Variants in DOCK11 observed in about 807,000 individuals in gnomAD.
DOCK11 encodes dedicator of cytokinesis protein 11.
DOCK11 carries 70 observed loss-of-function variants against 169.1 expected under a neutral mutation model. The observed-to-expected ratio is 0.41, with a 90% CI of 0.34 to 0.51. The LOEUF (loss-of-function observed/expected upper bound fraction) is 0.51, where lower values mean the gene tolerates loss of function less well. DOCK11 is among the 20% of genes least tolerant of loss of function. DOCK11 has a pLI of 0.10. For missense variants in DOCK11, 1,166 were observed against 1,538.8 expected, an observed-to-expected ratio of 0.76 and a Z score of 4.05; for synonymous variants, 529 against 541.3, an observed-to-expected ratio of 0.98 and a Z score of 0.32.
At chrX:118,662,395 G>A (rs943892924) in intron 44 of DOCK11, among the ~76,000 whole-genome samples, 1 of 112,142 alleles carries the variant, frequency 8.9e-6, no homozygotes, top group African/African-American at 3.2e-5. Context: ...AAATAAAAAT[G>A]TTTAGATTGC....
At chrX:118,647,765 TTATAATATATAATAATA>T (rs2015757941) in intron 40 of DOCK11, among the ~76,000 whole-genome samples, 2 of 35,517 alleles carry the variant, frequency 5.6e-5, no homozygotes, top group African/African-American at 1.7e-4. Context: ...ATATAATATA[TTATAATATATAATAATA>T]TATAATATAT....
chrX:118,679,013 A>G (rs2016678105), intron 48 of DOCK11, among the ~76,000 whole-genome samples: 1 of 110,688 alleles, frequency 9.0e-6, no homozygotes, highest in African/African-American at 3.3e-5. Context: ...GCTGGTCTCA[A>G]ACTCCTGGGT....
intron 20 of DOCK11, among the ~76,000 whole-genome samples, chrX:118,595,243 G>A (rs1368941655): frequency 9.0e-6 from 1 of 111,665 alleles, no homozygotes; most frequent in Non-Finnish European, 1.9e-5. Flanking sequence ...AGCAGCGGGG[G>A]CAGAGAGAAA....
intron 1 of DOCK11, among the ~76,000 whole-genome samples, chrX:118,508,616 C>T (rs1025517249): frequency 1.2e-4 from 13 of 110,997 alleles, no homozygotes; most frequent in African/African-American, 3.9e-4. Flanking sequence ...GGAACTGAAT[C>T]GTTATTTCAA....
At position 118,563,516 on chromosome X, in the gene DOCK11, C is replaced by T. The variant is rs760658042; in HGVS notation, c.693+1999C>T. On this transcript the variant is annotated intron_variant, in intron 7 of 52. Transcript: ENST00000276202. Reference sequence around the variant, plus strand: ...AAAACACTTTTTAAAAAGTATAAAGCTCTATGTGAATAAAATGTGCTTATA... The same window carrying T: ...AAAACACTTTTTAAAAAGTATAAAGTTCTATGTGAATAAAATGTGCTTATA... 2.3e-4 allele frequency among the ~76,000 whole-genome samples: 24 copies of T among 106,504 alleles called. 1 individual carries two copies. The highest frequency in any genetic ancestry group is 1.3e-4 in the Non-Finnish European group (7 of 52,568). The allele number at this position is 106,504 out of a possible 115,157, so 92.5% of individuals were successfully genotyped here.
rs1248356007 is a variant in DOCK11 at position 118,648,171 on chromosome X, AT to A, written c.4399-773del. On this transcript the variant is annotated intron_variant, in intron 40 of 52. Coordinates refer to ENST00000276202, the MANE Select transcript of DOCK11 (RefSeq NM_144658.4). ...TTAATATATAATAATATAATATATA[AT>A]ATAATAGTAATATATAATAATATAA... Among the ~76,000 whole-genome samples, 278 of 69,599 alleles carry A rather than the reference AT, an allele frequency of 4.0e-3. 1 individual carries two copies. Among genetic ancestry groups the A allele is most frequent in the African/African-American group, 0.018 (264 of 14,845 alleles). The allele number at this position is 69,599 out of a possible 115,157, so 60.4% of individuals were successfully genotyped here. A position where few individuals can be genotyped will look rare whatever the true frequency, so the allele number is the denominator to read the frequency against.
intron 1 of DOCK11, among the ~76,000 whole-genome samples, chrX:118,516,374 C>T (rs932994405): frequency 5.6e-4 from 59 of 105,009 alleles, no homozygotes; most frequent in Non-Finnish European, 1.1e-3. Flanking sequence ...GGATTACAGG[C>T]GTGAGCCACT....
At chrX:118,598,878 T>A (rs1298781482) in intron 22 of DOCK11, among the ~76,000 whole-genome samples, 1 of 112,203 alleles carries the variant, frequency 8.9e-6, no homozygotes, top group Non-Finnish European at 1.9e-5. Flanking sequence ...GCAGCCCAAC[T>A]TCATAGAACA....
At chrX:118,641,023 T>C (rs1379150539) in intron 38 of DOCK11, among the ~76,000 whole-genome samples, 167 bp from the exon 39 acceptor site, 1 of 111,349 alleles carries the variant, frequency 9.0e-6, no homozygotes. Flanking sequence ...TGAACTGACC[T>C]CATGATCTGT....
intron 1 of DOCK11, among the ~76,000 whole-genome samples, chrX:118,536,311 A>T (rs1225813638): frequency 9.1e-6 from 1 of 110,496 alleles, no homozygotes; most frequent in African/African-American, 3.3e-5. Flanking sequence ...AAAAAAAAAA[A>T]TCCTTACAGT....
At position 118,572,606 on chromosome X, in the gene DOCK11, A is replaced by C. The variant is rs866946685; in HGVS notation, c.1176+143A>C. The C allele has an allele frequency of 6.2e-5, 26 of 421,115 alleles. No individual in the cohort carries two copies. The Middle Eastern group carries it at 2.3e-3, about 36-fold the overall frequency. The allele number at this position is 421,115 out of a possible 1,213,427, so 34.7% of individuals were successfully genotyped here. ...CACATGTACTCCTGAACCTAAAATGAAAGTTTTATATATATAAAAAAGAAA... is the reference window on the plus strand; with the variant it reads ...CACATGTACTCCTGAACCTAAAATGCAAGTTTTATATATATAAAAAAGAAA... On this transcript the variant is annotated intron_variant, in intron 11 of 52. Coordinates refer to ENST00000276202, the MANE Select transcript of DOCK11 (RefSeq NM_144658.4).
At chrX:118,552,100 TGAGA>T (rs2012518868) in intron 6 of DOCK11, among the ~76,000 whole-genome samples, 1 of 106,031 alleles carries the variant, frequency 9.4e-6, no homozygotes. Context: ...AATCACATCG[TGAGA>T]GAAAGTGCAA....
intron 1 of DOCK11, among the ~76,000 whole-genome samples, chrX:118,530,438 C>T (rs1162696871): frequency 8.9e-6 from 1 of 112,229 alleles, no homozygotes; most frequent in Non-Finnish European, 1.9e-5. Context: ...CCACTTCTGG[C>T]TCCCCATCAC....
At position 118,590,433 on chromosome X, in the gene DOCK11, C is replaced by T. The variant is rs1442696202; in HGVS notation, c.2139+131C>T. On this transcript the variant is annotated intron_variant, in intron 19 of 52. Coordinates refer to ENST00000276202, the MANE Select transcript of DOCK11 (RefSeq NM_144658.4). ...TGTTCCATGAAAACAGAAAATATTA[C>T]AACAAAACAGAGTGTTACTGGCCTG... 5.4e-6 allele frequency: 3 copies of T among 550,534 alleles called. No homozygotes were observed. The Admixed American group carries it at 1.1e-4, about 20-fold the overall frequency. 45.4% of individuals were successfully genotyped at this position (550,534 alleles called of 1,213,427 possible).
rs1169203507 is a variant in DOCK11 at position 118,647,987 on chromosome X, T to C, written c.4399-958T>C. On this transcript the variant is annotated intron_variant, in intron 40 of 52. Coordinates refer to ENST00000276202, the MANE Select transcript of DOCK11 (RefSeq NM_144658.4). Reference sequence around the variant, plus strand: ...ATATATAATTATATATAATATATAATAATATATAATATATTATTATAATAT... The same window carrying C: ...ATATATAATTATATATAATATATAACAATATATAATATATTATTATAATAT... 6.0e-4 allele frequency among the ~76,000 whole-genome samples: 30 copies of C among 49,861 alleles called. 1 individual carries two copies. In the South Asian group the frequency reaches 7.4e-3, roughly 12 times the overall value. The allele number at this position is 49,861 out of a possible 115,157, so 43.3% of individuals were successfully genotyped here.
At chrX:118,537,604 G>A (rs1483802697) in intron 1 of DOCK11, among the ~76,000 whole-genome samples, 1 of 111,887 alleles carries the variant, frequency 8.9e-6, no homozygotes, top group Non-Finnish European at 1.9e-5. Context: ...TTGGATGGTT[G>A]AATATATACA....
chrX:118,652,466 ATT>A (rs770540163), intron 42 of DOCK11, among the ~76,000 whole-genome samples: 17 of 111,665 alleles, frequency 1.5e-4, no homozygotes, highest in African/African-American at 5.5e-4. Context: ...ATTTCACAAA[ATT>A]TCACTTAGAA....
chrX:118,548,201 A>C (rs772925788), intron 6 of DOCK11, among the ~76,000 whole-genome samples: 8 of 112,860 alleles, frequency 7.1e-5, no homozygotes, highest in African/African-American at 2.6e-4. Context: ...AGATTCCTTT[A>C]GTTTAATACC....
intron 14 of DOCK11, among the ~76,000 whole-genome samples, chrX:118,581,805 TAAAAAAA>T (rs35095116): frequency 7.8e-5 from 1 of 12,745 alleles, no homozygotes; most frequent in East Asian, 2.4e-3. Flanking sequence ...CTCCGTCTCC[TAAAAAAA>T]AAAAAAAAAA....
Sources: allele counts gnomAD v4.1 joint callset (sites outside exome capture counted in the v4.1 genomes callset), GRCh38; gene constraint gnomAD v4.1.1; transcripts MANE v1.5; gene names NCBI Gene and HGNC (gene_info 2026-07-23, HGNC 2026-07-21).